The following FOXN3 variants were observed in gnomAD, a reference collection of about 807,000 sequenced individuals.
The protein encoded by FOXN3 is forkhead box protein N3.
In FOXN3, 7 loss-of-function variants were observed where a neutral mutation model predicts 38.4. The observed-to-expected ratio is 0.18, with a 90% confidence interval of 0.10 to 0.34. The LOEUF is 0.34. FOXN3 is among the 10% of genes least tolerant of loss of function. The pLI is 1.00. For synonymous variants in FOXN3, 230 were observed against 242.2 expected, an observed-to-expected ratio of 0.95 and a Z score of 0.47; for missense variants, 456 against 613.4, an observed-to-expected ratio of 0.74 and a Z score of 2.71.
In FOXN3 at chr14:89,246,600, C is replaced by T. The variant is rs888247026; in HGVS notation, c.745+34350G>A. ...CTGTTGCCAGGCTGGAGTTCAGGGG[C>T]GTGGTCTCGGCTCACTGCAACCTCT... On this transcript the variant is annotated intron_variant, in intron 4 of 5. Coordinates refer to ENST00000557258, the MANE Select transcript of FOXN3 (RefSeq NM_005197.4). 9.1e-5 allele frequency among the ~76,000 whole-genome samples: 11 copies of T among 121,050 alleles called. No homozygotes were observed. The South Asian group carries it at 1.1e-3, about 12-fold the overall frequency. The allele number at this position is 121,050 out of a possible 152,430, so 79.4% of individuals were successfully genotyped here.
At chr14:89,257,909 G>A (rs533877627) in intron 4 of FOXN3, among the ~76,000 whole-genome samples, 2 of 152,304 alleles carry the variant, frequency 1.3e-5, no homozygotes, top group South Asian at 4.1e-4. Flanking sequence ...TCTCTAAGGG[G>A]TGACATTTCC....
At position 89,320,191 on chromosome 14, in the gene FOXN3, T is replaced by C. The variant is rs996928138; in HGVS notation, c.680+30481A>G. On this transcript the variant is annotated intron_variant, in intron 3 of 5. Coordinates refer to ENST00000557258, the MANE Select transcript of FOXN3 (RefSeq NM_005197.4). Reference sequence around the variant, plus strand: ...GGAATTTATTCAAAATCATCATCTCTTGCAGCCTCCCAAGGGTGGGCACGT... The same window carrying C: ...GGAATTTATTCAAAATCATCATCTCCTGCAGCCTCCCAAGGGTGGGCACGT... 2.6e-5 allele frequency among the ~76,000 whole-genome samples: 4 copies of C among 152,310 alleles called. No individual in the cohort carries two copies. In the East Asian group the frequency reaches 7.7e-4, roughly 29 times the overall value.
rs7151447 is a variant in FOXN3, at chr14:89,266,067, C to G, written c.745+14883G>C. Among the ~76,000 whole-genome samples, 1,222 of 152,268 alleles carry G rather than the reference C, an allele frequency of 8.0e-3. 16 individuals carry two copies. The highest frequency in any genetic ancestry group is 0.028 in the African/African-American group (1,158 of 41,536). On this transcript the variant is annotated intron_variant, in intron 4 of 5. Transcript: ENST00000557258. The stretch of plus-strand genomic sequence containing the variant: ...CTGCCCTTAGCAGCCAAAGTTGACC[C>G]CTACAGTCCCAGCTTTGGGATACAA...
intron 2 of FOXN3, among the ~76,000 whole-genome samples, chr14:89,397,807 A>G (rs926641491): frequency 3.3e-5 from 5 of 152,226 alleles, no homozygotes; most frequent in African/African-American, 1.2e-4. Context: ...CAAAGAGCAT[A>G]TAATACCTGC....
chr14:89,245,884 C>T (rs1189512109), intron 4 of FOXN3, among the ~76,000 whole-genome samples: 1 of 152,080 alleles, frequency 6.6e-6, no homozygotes, highest in African/African-American at 2.4e-5. Flanking sequence ...CCCCCAGACC[C>T]CAACCCGCAG....
chr14:89,323,015 G>A (rs751509473), intron 3 of FOXN3, among the ~76,000 whole-genome samples: 1 of 152,078 alleles, frequency 6.6e-6, no homozygotes, highest in Admixed American at 6.5e-5. Flanking sequence ...GGAGCCGGGC[G>A]CAGTGGCTCA....
intron 1 of FOXN3, among the ~76,000 whole-genome samples, chr14:89,563,938 C>T (rs766909649): frequency 6.0e-4 from 92 of 152,262 alleles, no homozygotes; most frequent in Non-Finnish European, 1.1e-3. Context: ...CAAACTCCGC[C>T]TCCCAGGTTC....
At chr14:89,581,781 G>A (rs2139911563) in intron 1 of FOXN3, among the ~76,000 whole-genome samples, 1 of 152,280 alleles carries the variant, frequency 6.6e-6, no homozygotes, top group African/African-American at 2.4e-5. Flanking sequence ...AGTCAGAGAA[G>A]CCTAGCAGCC....
intron 3 of FOXN3, among the ~76,000 whole-genome samples, chr14:89,316,202 A>G (rs904055406): frequency 1.3e-4 from 20 of 152,270 alleles, no homozygotes; most frequent in African/African-American, 4.6e-4. Flanking sequence ...TCAAGTGAAA[A>G]AGCTTGGAAT....
intron 2 of FOXN3, among the ~76,000 whole-genome samples, chr14:89,369,894 G>A (rs938970877): frequency 1.3e-5 from 2 of 152,188 alleles, no homozygotes; most frequent in Non-Finnish European, 2.9e-5. Context: ...ACAAGTTAAC[G>A]AATTTGTCTA....
chr14:89,243,122 C>G (rs1885188368), intron 4 of FOXN3, among the ~76,000 whole-genome samples: 1 of 152,174 alleles, frequency 6.6e-6, no homozygotes, highest in African/African-American at 2.4e-5. Flanking sequence ...CAGACCCTCC[C>G]TCCCAGGAGG....
At chr14:89,490,484 G>A (rs12435026) in intron 1 of FOXN3, among the ~76,000 whole-genome samples, 27,797 of 152,196 alleles carry the variant, frequency 0.18, 6,208 homozygotes, top group African/African-American at 0.54. Context: ...GGCTAAGCTA[G>A]GTCCACACAC....
chr14:89,603,359 T>C (rs1393837362), intron 1 of FOXN3, among the ~76,000 whole-genome samples: 1 of 152,200 alleles, frequency 6.6e-6, no homozygotes, highest in Non-Finnish European at 1.5e-5. Flanking sequence ...ATTTCTATTG[T>C]TTTGATTCAT....
intron 2 of FOXN3, among the ~76,000 whole-genome samples, chr14:89,363,967 T>TATATATATATATA (rs1890023648): frequency 1.0e-5 from 1 of 98,612 alleles, no homozygotes; most frequent in African/African-American, 5.3e-5. Context: ...TATATATATA[T>TATATATATATATA]ATATATATAT....
chr14:89,294,732 C>G (rs761713481), intron 3 of FOXN3, among the ~76,000 whole-genome samples: 1 of 152,162 alleles, frequency 6.6e-6, no homozygotes, highest in South Asian at 2.1e-4. Context: ...ATGCCAACAT[C>G]AGGAAGTTAC....
chr14:89,538,827 T>TAA (rs1894740113), intron 1 of FOXN3, among the ~76,000 whole-genome samples: 2 of 151,840 alleles, frequency 1.3e-5, no homozygotes, highest in Admixed American at 6.6e-5. Flanking sequence ...CCTTTTATTA[T>TAA]TATTATTTAT....
rs1381903138 is a variant in FOXN3, at chr14:89,163,518, CT to C, written c.852-550del. Among the ~76,000 whole-genome samples the C allele has an allele frequency of 6.6e-6, 1 of 152,140 alleles. No homozygotes were observed. Among genetic ancestry groups the C allele is most frequent in the Non-Finnish European group, 1.5e-5 (1 of 68,020 alleles). On this transcript the variant is annotated intron_variant, in intron 5 of 5. Coordinates refer to ENST00000557258, the MANE Select transcript of FOXN3 (RefSeq NM_005197.4). The surrounding 1 kb of genome is among the most constrained non-coding windows in gnomAD (Gnocchi z 4.3). Reference sequence around the variant, plus strand: ...CAATCTACAAATACTCACTGAGCGCCTAACAGAAATGCATGACCTTAGGGAG... The same window carrying C: ...CAATCTACAAATACTCACTGAGCGCCAACAGAAATGCATGACCTTAGGGAG...
At chr14:89,369,526 G>C (rs908614798) in intron 2 of FOXN3, among the ~76,000 whole-genome samples, 4 of 149,808 alleles carry the variant, frequency 2.7e-5, no homozygotes, top group Non-Finnish European at 5.9e-5. Context: ...TGCTGACAAG[G>C]ACATACCCAA....
At chr14:89,513,847 A>T (rs1385435315) in intron 1 of FOXN3, among the ~76,000 whole-genome samples, 2 of 151,278 alleles carry the variant, frequency 1.3e-5, no homozygotes, top group Non-Finnish European at 2.9e-5. Context: ...TAATCTCAAA[A>T]CCCTATCCAC....
Sources: gnomAD v4.1 joint callset for allele counts (sites outside exome capture counted in the v4.1 genomes callset) on GRCh38, gnomAD v4.1.1 for gene constraint, Gnocchi (gnomAD v3.1) non-coding constraint, MANE v1.5 for transcripts, NCBI Gene and HGNC (gene_info 2026-07-23, HGNC 2026-07-21) for gene names.